SERINC1: variants seen among roughly 807,000 people sequenced by gnomAD.
SERINC1 encodes tumor differentially expressed protein 2.
SERINC1 carries 38 observed loss-of-function variants against 52.9 expected under a neutral mutation model. The ratio of observed to expected loss-of-function variants is 0.72; its 90% CI spans 0.55 to 0.94. SERINC1 has a LOEUF of 0.94. Among genes scored for constraint, SERINC1 ranks in the 40% least tolerant of loss-of-function variants. SERINC1 has a pLI of 0.00. For missense variants in SERINC1, 471 were observed against 533.9 expected (o/e 0.88, Z 1.16); for synonymous variants, 198 against 183.1 (o/e 1.08, Z -0.66).
rs759962425 is a variant in SERINC1 at position 122,471,757 on chromosome 6, C to A, written c.-20G>T. On this transcript the variant is annotated 5_prime_UTR_variant, in exon 1 of 10. Coordinates refer to ENST00000339697, the MANE Select transcript of SERINC1 (RefSeq NM_020755.4). ...CCCCATCTCCACAACGTCACAAGAG[C>A]AGCGGATACAGACAAGATGGAGACA... 2.5e-6 allele frequency: 4 copies of A among 1,614,034 alleles called. No individual in the cohort carries two copies. The highest frequency in any genetic ancestry group is 1.7e-5 in the Admixed American group (1 of 59,994).
intron 1 of SERINC1, among the ~76,000 whole-genome samples, chr6:122,471,288 G>A (rs1183815463): frequency 6.6e-6 from 1 of 152,030 alleles, no homozygotes; most frequent in African/African-American, 2.4e-5. Context: ...GAGGTCGCCA[G>A]GAAAGAGATG....
intron 1 of SERINC1, 94 bp downstream of exon 1, chr6:122,471,605 C>A: frequency 6.6e-7 from 1 of 1,515,060 alleles, no homozygotes; most frequent in Non-Finnish European, 9.2e-7. Context: ...GGGTGGGGCA[C>A]CACATTCCCG....
chr6:122,460,231 C>T (rs1463059059), intron 1 of SERINC1, among the ~76,000 whole-genome samples: 14 of 152,212 alleles, frequency 9.2e-5, no homozygotes, highest in Non-Finnish European at 1.5e-5. Flanking sequence ...CACCACCACA[C>T]CCGGCTAATT....
At chr6:122,449,864 A>C (rs1774874333) in intron 7 of SERINC1, among the ~76,000 whole-genome samples, 1 of 152,158 alleles carries the variant, frequency 6.6e-6, no homozygotes, top group African/African-American at 2.4e-5. Flanking sequence ...TAAAAATACA[A>C]AATTAGCTGG....
intron 9 of SERINC1, among the ~76,000 whole-genome samples, chr6:122,445,535 C>G (rs960927298): frequency 1.3e-5 from 2 of 151,980 alleles, no homozygotes; most frequent in Non-Finnish European, 2.9e-5. Flanking sequence ...ATATGGAACT[C>G]CTCACCTGAT....
chr6:122,446,721 C>A (rs1003896959), intron 9 of SERINC1, 53 bp downstream of exon 9: 26 of 1,197,998 alleles, frequency 2.2e-5, no homozygotes, highest in South Asian at 2.5e-5. Context: ...ACAAGAGAAT[C>A]ATAAAATGCC....
In SERINC1 at chr6:122,456,555, C is replaced by A. The variant is rs201407112; in HGVS notation, c.297G>T (p.Met99Ile). Reference sequence around the variant, plus strand: ...TTAGTAAAGAGAGAAGAAGATAGAACATAGCCAAACCAAAGCACAAACGAT... The same window carrying A: ...TTAGTAAAGAGAGAAGAAGATAGAAAATAGCCAAACCAAAGCACAAACGAT... ...AVYRLCFGLA[M>I]FYLLLSLLMI... is the part of the protein sequence containing the mutation. The change falls in exon 3 of 10, where the codon ATG (methionine) becomes ATT (isoleucine). Residue 99 changes from methionine to isoleucine, a missense_variant. Coordinates refer to ENST00000339697, the MANE Select transcript of SERINC1 (RefSeq NM_020755.4). 1 of 1,612,964 alleles carries A rather than the reference C, an allele frequency of 6.2e-7. No individual in the cohort carries two copies. Among genetic ancestry groups the A allele is most frequent in the Non-Finnish European group, 8.5e-7 (1 of 1,179,304 alleles).
intron 6 of SERINC1, 22 bp from the exon 7 acceptor site, chr6:122,451,776 A>AC: frequency 9.2e-6 from 1 of 108,914 alleles, no homozygotes; most frequent in Non-Finnish European, 1.4e-5. Context: ...AAAAAAAAAA[A>AC]ATATATATAT....
intron 7 of SERINC1, among the ~76,000 whole-genome samples, chr6:122,448,278 AT>A (rs951853431): frequency 4.6e-5 from 7 of 152,080 alleles, no homozygotes; most frequent in Admixed American, 6.6e-5. Context: ...ACTACTAATA[AT>A]TTTTTTCTAA....
intron 1 of SERINC1, among the ~76,000 whole-genome samples, chr6:122,461,300 G>A (rs1201340063): frequency 6.6e-6 from 1 of 151,672 alleles, no homozygotes. Context: ...TTAAAAGTAG[G>A]CAGAAAAATA....
At chr6:122,450,833 G>A (rs987579191) in intron 7 of SERINC1, among the ~76,000 whole-genome samples, 8 of 152,154 alleles carry the variant, frequency 5.3e-5, no homozygotes, top group African/African-American at 1.4e-4. Flanking sequence ...AGATGTGACT[G>A]AATTGCTGCA....
At position 122,445,137 on chromosome 6, in the gene SERINC1, G is replaced by C. The variant is rs1774766459; in HGVS notation, c.1269C>G (p.Val423=). The change falls in exon 10 of 10, where the codon GTC becomes GTG. Residue 423 remains valine (V), a synonymous_variant. Coordinates refer to ENST00000339697, the MANE Select transcript of SERINC1 (RefSeq NM_020755.4). ...SREMKSQWTA[V]WVKISSSWIG... ...TCCAACTGGAAGAGATTTTCACCCA[G>C]ACAGCTGTCCACTGACTTTTCATCT... 2 of 1,613,968 alleles carry C rather than the reference G, an allele frequency of 1.2e-6. No homozygotes were observed. The highest frequency in any genetic ancestry group is 1.1e-5 in the South Asian group (1 of 91,084).
intron 1 of SERINC1, among the ~76,000 whole-genome samples, chr6:122,470,452 A>C (rs1775265833): frequency 6.6e-6 from 1 of 152,234 alleles, no homozygotes; most frequent in African/African-American, 2.4e-5. Context: ...ACATCTTCCA[A>C]TAAAAAACCG....
Position 122,455,398 on chromosome 6 carries a change from C to CA in SERINC1, c.371+1082dup, listed in dbSNP as rs34890169. On this transcript the variant is annotated intron_variant, in intron 3 of 9. Transcript: ENST00000339697. ...CAGCAGGGCTAGAATATAAAGCAGG[C>CA]AAAAAAAAAAAGTGAAAAGACTAGA... Among the ~76,000 whole-genome samples, 111 of 143,546 alleles carry CA rather than the reference C, an allele frequency of 7.7e-4. 1 individual carries two copies. Among genetic ancestry groups the CA allele is most frequent in the Admixed American group, 3.8e-3 (54 of 14,286 alleles). The allele number at this position is 143,546 out of a possible 152,430, so 94.2% of individuals were successfully genotyped here.
chr6:122,456,114 C>T (rs568431092), intron 3 of SERINC1, among the ~76,000 whole-genome samples: 9 of 152,088 alleles, frequency 5.9e-5, no homozygotes, highest in Non-Finnish European at 1.2e-4. Flanking sequence ...TCCAATACAA[C>T]CAACCTAGAA....
intron 9 of SERINC1, among the ~76,000 whole-genome samples, chr6:122,446,426 TCAAA>T (rs1774803650): frequency 6.6e-6 from 1 of 151,772 alleles, no homozygotes; most frequent in Non-Finnish European, 1.5e-5. Flanking sequence ...TAATGACAGT[TCAAA>T]CAAAAGAGAA....
intron 9 of SERINC1, 97 bp from the exon 10 acceptor site, chr6:122,445,276 TAC>T (rs1351945797): frequency 7.5e-6 from 9 of 1,207,478 alleles, no homozygotes; most frequent in South Asian, 1.5e-5. Context: ...GTGCTTTGTA[TAC>T]AGTTTGTGAT....
intron 2 of SERINC1, 39 bp from the exon 3 acceptor site, chr6:122,456,689 T>C (rs757810248): frequency 4.1e-6 from 6 of 1,451,944 alleles, no homozygotes; most frequent in African/African-American, 1.4e-5. Flanking sequence ...TCATTTTTTT[T>C]CATTAAGTAA....
chr6:122,448,914 G>A (rs1233090699), intron 7 of SERINC1, among the ~76,000 whole-genome samples: 1 of 147,250 alleles, frequency 6.8e-6, no homozygotes, highest in Non-Finnish European at 1.5e-5. Flanking sequence ...TACTCACTTT[G>A]TTTCACATTT....
Sources: gnomAD v4.1 joint callset for allele counts (sites outside exome capture counted in the v4.1 genomes callset) on GRCh38, gnomAD v4.1.1 for gene constraint, MANE v1.5 for transcripts, NCBI Gene and HGNC (gene_info 2026-07-23, HGNC 2026-07-21) for gene names.